R3HDM2: variants seen among roughly 807,000 people sequenced by gnomAD.
R3HDM2 encodes the protein R3H domain containing 2.
A neutral mutation model predicts 124.5 loss-of-function variants in R3HDM2; 38 were observed. The ratio of observed to expected loss-of-function variants is 0.31; its 90% CI spans 0.24 to 0.40. The LOEUF (loss-of-function observed/expected upper bound fraction) is 0.40. Among genes scored for constraint, R3HDM2 ranks in the 10% least tolerant of loss-of-function variants. The pLI, the probability that R3HDM2 is intolerant of heterozygous loss-of-function variation, is 1.00. For missense variants in R3HDM2, 869 were observed against 1,236.9 expected (o/e 0.70, Z 4.46); for synonymous variants, 391 against 448.0 (o/e 0.87, Z 1.61).
chr12:57,268,929 G>C lies in R3HDM2; in HGVS notation c.1868C>G (p.Ser623Cys), dbSNP rs1009013336. 3 of 1,613,884 alleles carry C rather than the reference G, an allele frequency of 1.9e-6. No individual in the cohort carries two copies. The highest frequency in any genetic ancestry group is 2.5e-6 in the Non-Finnish European group (3 of 1,179,936). Reference sequence around the variant, plus strand: ...AATGCAGAATGCACCCACTTGGTAAGAAGGCAGTGGAGTGTACTGAACCAC... The same window carrying C: ...AATGCAGAATGCACCCACTTGGTAACAAGGCAGTGGAGTGTACTGAACCAC... Reference protein sequence around the residue: ...GLVVQYTPLPSYQVPVGSDSQ... With the variant: ...GLVVQYTPLPCYQVPVGSDSQ... Residue 623 changes from serine to cysteine, a missense_variant, in exon 17 of 24, where the codon TCT becomes TGT. This residue lies in a region of R3HDM2 where 602 missense variants were observed against 789.2 expected (regional missense o/e 0.76). Coordinates refer to ENST00000402412, the MANE Select transcript of R3HDM2 (RefSeq NM_001394031.1).
chr12:57,269,272 G>C (rs377641478), intron 16 of R3HDM2, 51 bp downstream of exon 16: 1 of 1,604,278 alleles, frequency 6.2e-7, no homozygotes, highest in Non-Finnish European at 8.5e-7. Context: ...TTTCTTTCCT[G>C]GTGTGCCCTT....
intron 14 of R3HDM2, among the ~76,000 whole-genome samples, 157 bp from the exon 15 acceptor site, chr12:57,270,151 GT>G (rs1258644104): frequency 6.6e-6 from 1 of 152,194 alleles, no homozygotes; most frequent in Non-Finnish European, 1.5e-5. Context: ...TTGAATAGCT[GT>G]TGAAGTCCAA....
intron 2 of R3HDM2, among the ~76,000 whole-genome samples, chr12:57,379,302 C>T (rs1163294909): frequency 1.3e-5 from 2 of 152,196 alleles, no homozygotes; most frequent in East Asian, 3.9e-4. Context: ...AAAATGAGGC[C>T]AGATGCGGTA....
chr12:57,285,647 C>T (rs993963141), intron 12 of R3HDM2, among the ~76,000 whole-genome samples: 11 of 152,160 alleles, frequency 7.2e-5, no homozygotes, highest in Admixed American at 2.0e-4. Flanking sequence ...ACAGCTACAT[C>T]TCAATGGACA....
At chr12:57,317,925 A>G (rs1268929562) in intron 2 of R3HDM2, among the ~76,000 whole-genome samples, 1 of 149,866 alleles carries the variant, frequency 6.7e-6, no homozygotes, top group Non-Finnish European at 1.5e-5. Flanking sequence ...GGTTGCAGTG[A>G]GCCAAGACTG....
intron 2 of R3HDM2, among the ~76,000 whole-genome samples, chr12:57,368,293 C>G (rs1259811697): frequency 1.3e-5 from 2 of 152,154 alleles, no homozygotes; most frequent in Non-Finnish European, 1.5e-5. Flanking sequence ...AACTAGTCCC[C>G]TTCCCCTTCC....
intron 1 of R3HDM2, among the ~76,000 whole-genome samples, chr12:57,421,773 C>T (rs970643343): frequency 4.6e-5 from 7 of 152,120 alleles, no homozygotes; most frequent in Non-Finnish European, 8.8e-5. Flanking sequence ...TCCCAAAGTG[C>T]TGGATTATAG....
At chr12:57,383,057 T>A (rs1333988246) in intron 2 of R3HDM2, among the ~76,000 whole-genome samples, 1 of 151,854 alleles carries the variant, frequency 6.6e-6, no homozygotes, top group Admixed American at 6.5e-5. Flanking sequence ...CTAATTTTTG[T>A]ATTTTTAGTA....
chr12:57,283,635 C>T (rs961827556), intron 13 of R3HDM2, among the ~76,000 whole-genome samples, 189 bp downstream of exon 13: 6 of 151,756 alleles, frequency 4.0e-5, no homozygotes, highest in Admixed American at 2.0e-4. Flanking sequence ...GCTATTCAAG[C>T]GGCTGAGGCA....
intron 2 of R3HDM2, among the ~76,000 whole-genome samples, chr12:57,326,472 A>G (rs918292372): frequency 2.0e-5 from 3 of 152,228 alleles, no homozygotes; most frequent in African/African-American, 7.2e-5. Flanking sequence ...ATTCTCTTCA[A>G]TTCTATGAAG....
intron 19 of R3HDM2, 59 bp from the exon 20 acceptor site, chr12:57,259,118 C>T (rs2039984966): frequency 8.9e-6 from 14 of 1,566,774 alleles, no homozygotes; most frequent in Admixed American, 1.8e-5. Flanking sequence ...TGCCTTCCAA[C>T]TAGCCCTGAG....
intron 2 of R3HDM2, among the ~76,000 whole-genome samples, chr12:57,365,483 C>T (rs555210907): frequency 2.6e-5 from 4 of 152,274 alleles, no homozygotes; most frequent in African/African-American, 2.4e-5. Flanking sequence ...GCTTTTAAGA[C>T]TTTATCACTA....
chr12:57,265,188 G>A (rs1466153759), intron 19 of R3HDM2, among the ~76,000 whole-genome samples: 9 of 152,328 alleles, frequency 5.9e-5, no homozygotes, highest in African/African-American at 2.2e-4. Flanking sequence ...ATGTGTTGAA[G>A]ACTCAGTATG....
intron 1 of R3HDM2, among the ~76,000 whole-genome samples, chr12:57,422,293 A>G (rs1395898367): frequency 1.3e-5 from 2 of 152,056 alleles, no homozygotes; most frequent in South Asian, 2.1e-4. Context: ...TAGCTTTCAT[A>G]GTTTAAGACA....
At chr12:57,359,682 T>C (rs1392834051) in intron 2 of R3HDM2, among the ~76,000 whole-genome samples, 2 of 152,164 alleles carry the variant, frequency 1.3e-5, no homozygotes, top group African/African-American at 4.8e-5. Flanking sequence ...ATTGTTTGTA[T>C]TTAATGGGAT....
chr12:57,429,603 C>T (rs1439275862), intron 1 of R3HDM2, among the ~76,000 whole-genome samples: 1 of 151,818 alleles, frequency 6.6e-6, no homozygotes, highest in Middle Eastern at 3.2e-3. Context: ...CTCCCAGCTA[C>T]TTGGGGGACT....
chr12:57,371,383 G>C (rs1013152647), intron 2 of R3HDM2, among the ~76,000 whole-genome samples: 5 of 152,032 alleles, frequency 3.3e-5, no homozygotes, highest in African/African-American at 1.2e-4. Context: ...AGAAACATCA[G>C]TTCTGATGTC....
chr12:57,426,792 T>G (rs548555297), intron 1 of R3HDM2, among the ~76,000 whole-genome samples: 36 of 152,164 alleles, frequency 2.4e-4, no homozygotes, highest in African/African-American at 7.9e-4. Flanking sequence ...AAAAAACATC[T>G]CAACATCTCT....
intron 1 of R3HDM2, chr12:57,418,354 C>CA: frequency 1.0e-6 from 1 of 985,394 alleles, no homozygotes; most frequent in Non-Finnish European, 1.2e-6. Flanking sequence ...CCAGAGCTTT[C>CA]TTTTGCCTTC....
Sources: allele counts gnomAD v4.1 joint callset (sites outside exome capture counted in the v4.1 genomes callset), GRCh38; gene constraint gnomAD v4.1.1; regional missense constraint gnomAD v4.1.1; transcripts MANE v1.5; gene names NCBI Gene and HGNC (gene_info 2026-07-23, HGNC 2026-07-21).